The following OTUD7A variants were observed in gnomAD, a reference collection of about 807,000 sequenced individuals.
The protein encoded by OTUD7A is OTU domain-containing protein 7A.
In OTUD7A, 12 loss-of-function variants were observed where a neutral mutation model predicts 65.7. The ratio of observed to expected loss-of-function variants is 0.18; its 90% CI spans 0.12 to 0.30. The LOEUF (loss-of-function observed/expected upper bound fraction) is 0.30. Ranked by LOEUF, OTUD7A falls within the 10% of genes least tolerant of loss-of-function variation. The pLI is 1.00. For missense variants in OTUD7A, 1,148 were observed against 1,304.8 expected, an observed-to-expected ratio of 0.88 and a Z score of 1.85; for synonymous variants, 641 against 586.3, an observed-to-expected ratio of 1.09 and a Z score of -1.35.
In OTUD7A at chr15:31,806,721, A is replaced by G. The variant is rs78176278; in HGVS notation, c.-100+63786T>C. On this transcript the variant is annotated intron_variant, in intron 1 of 12. Transcript: ENST00000307050. ...TAGAAAACAGTTCCCTCTAGCTAAA[A>G]AGAGAGAATTTATCAAAATATGTTA... 3.2e-3 allele frequency among the ~76,000 whole-genome samples: 490 copies of G among 152,348 alleles called. 3 individuals are homozygous for G. The highest frequency in any genetic ancestry group is 0.011 in the African/African-American group (470 of 41,588).
intron 5 of OTUD7A, among the ~76,000 whole-genome samples, chr15:31,533,607 C>T (rs775881784): frequency 2.0e-4 from 31 of 152,102 alleles, no homozygotes; most frequent in Non-Finnish European, 4.0e-4. Flanking sequence ...CAAAAATATT[C>T]TTCAGTAATA....
intron 1 of OTUD7A, among the ~76,000 whole-genome samples, chr15:31,741,850 C>T (rs1894354355): frequency 6.6e-6 from 1 of 151,742 alleles, no homozygotes; most frequent in East Asian, 1.9e-4. Flanking sequence ...TTAAAAACCC[C>T]AGAAAACAAA....
At chr15:31,840,841 T>C (rs1200183847) in intron 1 of OTUD7A, among the ~76,000 whole-genome samples, 4 of 152,218 alleles carry the variant, frequency 2.6e-5, no homozygotes, top group South Asian at 2.1e-4. Flanking sequence ...GGAAAAGGAA[T>C]AGAATCTACT....
intron 8 of OTUD7A, among the ~76,000 whole-genome samples, chr15:31,513,945 T>C (rs748510477): frequency 1.3e-5 from 2 of 152,238 alleles, no homozygotes; most frequent in Non-Finnish European, 2.9e-5. Context: ...AGTGTGATTA[T>C]GTGGATGCTC....
At chr15:31,849,528 G>T (rs1040623089) in intron 1 of OTUD7A, among the ~76,000 whole-genome samples, 5 of 152,072 alleles carry the variant, frequency 3.3e-5, no homozygotes, top group Admixed American at 6.5e-5. Context: ...AAAAGCAACG[G>T]CAACAAAAGC....
chr15:31,491,096 C>T (rs903111564), intron 10 of OTUD7A, among the ~76,000 whole-genome samples: 7 of 150,372 alleles, frequency 4.7e-5, no homozygotes, highest in Middle Eastern at 3.4e-3. Context: ...CTTTCAGCAA[C>T]GACAACAAAA....
chr15:31,699,040 C>T (rs972895291), intron 1 of OTUD7A, among the ~76,000 whole-genome samples: 4 of 150,888 alleles, frequency 2.7e-5, no homozygotes, highest in Non-Finnish European at 5.9e-5. Flanking sequence ...TGCTGAAGTA[C>T]GAGACATTCT....
Position 31,511,395 on chromosome 15 carries a change from ATATG to A in OTUD7A, c.894-7581_894-7578del, listed in dbSNP as rs1306936864. 4.1e-4 allele frequency among the ~76,000 whole-genome samples: 2 copies of A among 4,932 alleles called. 1 individual carries two copies. The highest frequency in any genetic ancestry group is 0.036 in the South Asian group (2 of 56). The allele number at this position is 4,932 out of a possible 152,430, so 3.2% of individuals were successfully genotyped here. A position where few individuals can be genotyped will look rare whatever the true frequency, so the allele number is the denominator to read the frequency against. ...ATGTATATCTATATGTAACACATAT[ATATG>A]TATATCTATATGTAACACACACATA... On this transcript the variant is annotated intron_variant, in intron 8 of 12. Coordinates refer to ENST00000307050, the MANE Select transcript of OTUD7A (RefSeq NM_001382637.1).
chr15:31,553,110 GT>G (rs1888376988), intron 5 of OTUD7A, among the ~76,000 whole-genome samples: 1 of 152,144 alleles, frequency 6.6e-6, no homozygotes, highest in Non-Finnish European at 1.5e-5. Flanking sequence ...CCAGCGGTCA[GT>G]TTCTAGTGCA....
At chr15:31,641,950 T>C (rs1891528897) in intron 3 of OTUD7A, among the ~76,000 whole-genome samples, 1 of 152,356 alleles carries the variant, frequency 6.6e-6, no homozygotes, top group East Asian at 1.9e-4. Flanking sequence ...CAGGAAAATG[T>C]TGGATAGAAG....
chr15:31,855,498 C>T lies in OTUD7A; in HGVS notation c.-100+15009G>A, dbSNP rs764368685. ...AACTATACAATGAACTCCAGACAACCGAAAAACAAATCGAAAAAAAAATCC... is the reference window on the plus strand; with the variant it reads ...AACTATACAATGAACTCCAGACAACTGAAAAACAAATCGAAAAAAAAATCC... On this transcript the variant is annotated intron_variant, in intron 1 of 12. Coordinates refer to ENST00000307050, the MANE Select transcript of OTUD7A (RefSeq NM_001382637.1). Among the ~76,000 whole-genome samples, 5 of 151,706 alleles carry T rather than the reference C, an allele frequency of 3.3e-5. 1 individual carries two copies. The highest frequency in any genetic ancestry group is 6.8e-3 in the Middle Eastern group (2 of 292).
At chr15:31,795,710 A>G (rs921488612) in intron 1 of OTUD7A, among the ~76,000 whole-genome samples, 1 of 152,096 alleles carries the variant, frequency 6.6e-6, no homozygotes, top group African/African-American at 2.4e-5. Flanking sequence ...CTCTCTCTTT[A>G]AAGAACACTG....
Position 31,484,517 on chromosome 15 carries a change from A to C in OTUD7A, c.1579T>G (p.Phe527Val). Residue 527 changes from phenylalanine to valine, a missense_variant, in exon 13 of 13, where the codon TTC (phenylalanine) becomes GTC (valine). Coordinates refer to ENST00000307050, the MANE Select transcript of OTUD7A (RefSeq NM_001382637.1). This position sits in a 1 kb window ranked among gnomAD's most constrained non-coding sequence, Gnocchi z 4.5. ...ADSVANKLGS[F>V]SKTLGIKLKK... ...AGCTTGATGCCCAGCGTCTTGCTGAAGCTGCCCAGCTTGTTGGCCACGGAG... is the reference window on the plus strand; with the variant it reads ...AGCTTGATGCCCAGCGTCTTGCTGACGCTGCCCAGCTTGTTGGCCACGGAG... 1 of 1,610,380 alleles carries C rather than the reference A, an allele frequency of 6.2e-7. No individual in the cohort carries two copies.
At chr15:31,755,956 T>C (rs991557212) in intron 1 of OTUD7A, among the ~76,000 whole-genome samples, 1 of 152,188 alleles carries the variant, frequency 6.6e-6, no homozygotes, top group Non-Finnish European at 1.5e-5. Context: ...AAAGGGGTTA[T>C]GGGCTTAAGC....
chr15:31,799,471 G>C (rs1896062018), intron 1 of OTUD7A, among the ~76,000 whole-genome samples: 1 of 152,248 alleles, frequency 6.6e-6, no homozygotes, highest in Non-Finnish European at 1.5e-5. Flanking sequence ...TAATTGTTTA[G>C]ATGAGGTCAT....
In OTUD7A at chr15:31,487,108, C is replaced by T; in HGVS notation, c.1371+86G>A. 1 of 1,336,988 alleles carries T rather than the reference C, an allele frequency of 7.5e-7. No homozygotes were observed. The highest frequency in any genetic ancestry group is 1.0e-6 in the Non-Finnish European group (1 of 953,192). The allele number at this position is 1,336,988 out of a possible 1,614,324, so 82.8% of individuals were successfully genotyped here. A position where few individuals can be genotyped will look rare whatever the true frequency, so the allele number is the denominator to read the frequency against. ...GCAGGGGCAGGCAAGAGTGTGGGAG[C>T]ATTTGGGAGGATGCACCCTGGTCAG... On this transcript the variant is annotated intron_variant, in intron 12 of 12. Transcript: ENST00000307050. The surrounding 1 kb of genome is among the most constrained non-coding windows in gnomAD (Gnocchi z 6.0).
chr15:31,573,458 A>G (rs1408070134), intron 3 of OTUD7A, among the ~76,000 whole-genome samples: 1 of 152,242 alleles, frequency 6.6e-6, no homozygotes, highest in African/African-American at 2.4e-5. Context: ...AAGGAAAAGC[A>G]AAGGTAGAGA....
intron 1 of OTUD7A, among the ~76,000 whole-genome samples, chr15:31,832,715 T>C (rs1202868222): frequency 6.6e-6 from 1 of 152,238 alleles, no homozygotes; most frequent in East Asian, 1.9e-4. Flanking sequence ...TTTTTGTGAC[T>C]GGCTTATTTC....
chr15:31,584,388 T>C (rs1266973137), intron 3 of OTUD7A, among the ~76,000 whole-genome samples: 3 of 152,192 alleles, frequency 2.0e-5, no homozygotes, highest in Non-Finnish European at 4.4e-5. Flanking sequence ...TAAGTGGTTT[T>C]TGACAAACCA....
Sources: gnomAD v4.1 joint callset for allele counts (sites outside exome capture counted in the v4.1 genomes callset) on GRCh38, gnomAD v4.1.1 for gene constraint, Gnocchi (gnomAD v3.1) non-coding constraint, MANE v1.5 for transcripts, NCBI Gene and HGNC (gene_info 2026-07-23, HGNC 2026-07-21) for gene names.